The following KHDRBS2 variants were observed in gnomAD, a reference collection of about 807,000 sequenced individuals.
The protein encoded by KHDRBS2 is KH domain-containing, RNA-binding, signal transduction-associated protein 2.
A neutral mutation model predicts 44.3 loss-of-function variants in KHDRBS2; 26 were observed. The ratio of observed to expected loss-of-function variants is 0.59; its 90% CI spans 0.43 to 0.81. The LOEUF (loss-of-function observed/expected upper bound fraction) is 0.81. Among genes scored for constraint, KHDRBS2 ranks in the 40% least tolerant of loss-of-function variants. The probability of loss-of-function intolerance (pLI) is 0.00; values close to 1 mark genes in which losing one functional copy is unlikely to be tolerated. For synonymous variants in KHDRBS2, 194 were observed against 151.1 expected (o/e 1.28, Z -2.08); for missense variants, 476 against 433.1 (o/e 1.10, Z -0.88).
chr6:62,169,167 A>ACG (rs1562991873), intron 2 of KHDRBS2, among the ~76,000 whole-genome samples: 4 of 84,706 alleles, frequency 4.7e-5, no homozygotes, highest in South Asian at 3.3e-4. Flanking sequence ...ACGTACACAT[A>ACG]TATGTATATA....
rs542254921 is a variant in KHDRBS2, at chr6:61,712,949, T to C, written c.894-15696A>G. On this transcript the variant is annotated intron_variant, in intron 7 of 8. Coordinates refer to ENST00000281156, the MANE Select transcript of KHDRBS2 (RefSeq NM_152688.4). The stretch of plus-strand genomic sequence containing the variant: ...CAAAAGCTATAAAACCAAAAGTTTC[T>C]TCTTAAATAGGGTGTCTGAAAGAAT... Among the ~76,000 whole-genome samples the C allele has an allele frequency of 1.3e-4, 19 of 151,848 alleles. No individual in the cohort carries two copies. The East Asian group carries it at 3.7e-3, about 30-fold the overall frequency.
intron 6 of KHDRBS2, among the ~76,000 whole-genome samples, chr6:61,808,434 A>G (rs534849993): frequency 6.6e-6 from 1 of 152,242 alleles, no homozygotes; most frequent in Admixed American, 6.5e-5. Context: ...TAGTTCCATT[A>G]AATACATTTA....
chr6:62,051,566 G>C (rs550513615), intron 2 of KHDRBS2, among the ~76,000 whole-genome samples: 1 of 151,750 alleles, frequency 6.6e-6, no homozygotes, highest in Non-Finnish European at 1.5e-5. Flanking sequence ...ACCTCTGAAG[G>C]CTGGCCTTGG....
At chr6:62,035,978 C>G (rs1189832673) in intron 3 of KHDRBS2, among the ~76,000 whole-genome samples, 2 of 151,946 alleles carry the variant, frequency 1.3e-5, no homozygotes, top group African/African-American at 4.8e-5. Context: ...TTCTAACCTA[C>G]AAAACTATAC....
At chr6:61,724,623 C>A (rs1159439221) in intron 7 of KHDRBS2, among the ~76,000 whole-genome samples, 1 of 152,030 alleles carries the variant, frequency 6.6e-6, no homozygotes, top group Non-Finnish European at 1.5e-5. Flanking sequence ...GAGAATTTAC[C>A]AAGCAAACGG....
the KHDRBS2 span, among the ~76,000 whole-genome samples, chr6:61,654,398 A>G: frequency 2.0e-5 from 3 of 151,888 alleles, no homozygotes; most frequent in African/African-American, 7.2e-5. Flanking sequence ...TGTAAAGGGA[A>G]CAATGATTGC....
the KHDRBS2 span, among the ~76,000 whole-genome samples, chr6:61,608,270 A>G: frequency 6.6e-6 from 1 of 151,656 alleles, no homozygotes; most frequent in Non-Finnish European, 1.5e-5. Context: ...ATACTCACAT[A>G]CACACATACT....
At chr6:61,733,502 G>A (rs903175979) in intron 6 of KHDRBS2, among the ~76,000 whole-genome samples, 4 of 151,904 alleles carry the variant, frequency 2.6e-5, no homozygotes, top group Non-Finnish European at 4.4e-5. Context: ...GGCTGAGGCA[G>A]GGGGAATCAC....
At chr6:61,754,750 A>G (rs1778240222) in intron 6 of KHDRBS2, among the ~76,000 whole-genome samples, 1 of 152,142 alleles carries the variant, frequency 6.6e-6, no homozygotes, top group Non-Finnish European at 1.5e-5. Flanking sequence ...AAAAAATGAA[A>G]AAAAGATAGG....
chr6:61,686,149 A>T (rs917005262), intron 8 of KHDRBS2, among the ~76,000 whole-genome samples: 6 of 151,778 alleles, frequency 4.0e-5, no homozygotes, highest in African/African-American at 1.4e-4. Flanking sequence ...TATCTGAAAT[A>T]TGGAAAAGAA....
chr6:61,773,804 T>C, intron 6 of KHDRBS2, among the ~76,000 whole-genome samples: 1 of 150,322 alleles, frequency 6.7e-6, no homozygotes, highest in African/African-American at 2.5e-5. Flanking sequence ...TTAAACCATC[T>C]TGAATTAATT....
the KHDRBS2 span, among the ~76,000 whole-genome samples, chr6:61,582,027 T>A: frequency 6.6e-6 from 1 of 151,760 alleles, no homozygotes; most frequent in Non-Finnish European, 1.5e-5. Flanking sequence ...AATCTTAGTT[T>A]TCAAAAAAGA....
chr6:62,239,826 C>CA (rs1339399792), intron 1 of KHDRBS2, among the ~76,000 whole-genome samples: 4 of 151,906 alleles, frequency 2.6e-5, no homozygotes, highest in African/African-American at 9.7e-5. Context: ...GCTGGGATTA[C>CA]AGGTGCCCAC....
intron 8 of KHDRBS2, among the ~76,000 whole-genome samples, chr6:61,690,936 G>A (rs1334450277): frequency 6.6e-6 from 1 of 152,042 alleles, no homozygotes; most frequent in African/African-American, 2.4e-5. Context: ...TCCTTTGAAT[G>A]TGCCCCCATG....
chr6:61,543,708 A>G, the KHDRBS2 span, among the ~76,000 whole-genome samples: 1 of 152,108 alleles, frequency 6.6e-6, no homozygotes, highest in East Asian at 1.9e-4. Context: ...CTAATTGTCC[A>G]TCAGCAGATG....
the KHDRBS2 span, among the ~76,000 whole-genome samples, chr6:61,554,916 C>T: frequency 2.6e-5 from 4 of 152,110 alleles, no homozygotes; most frequent in East Asian, 1.9e-4. Flanking sequence ...GGTGACCTGC[C>T]CCTTCTCTCT....
Position 62,150,004 on chromosome 6 carries a change from T to C in KHDRBS2, c.219+27181A>G, listed in dbSNP as rs1273975943. ...TATTAAAACAATGAAATGAGATAAA[T>C]GTAAAACACACAGCTCTGTGGCTGG... On this transcript the variant is annotated intron_variant, in intron 2 of 8. Coordinates refer to ENST00000281156, the MANE Select transcript of KHDRBS2 (RefSeq NM_152688.4). 2.0e-5 allele frequency among the ~76,000 whole-genome samples: 3 copies of C among 152,312 alleles called. No homozygotes were observed. In the South Asian group the frequency reaches 6.2e-4, roughly 32 times the overall value.
Position 61,764,796 on chromosome 6 carries a change from T to C in KHDRBS2, c.811-32032A>G, listed in dbSNP as rs187857624. Among the ~76,000 whole-genome samples the C allele has an allele frequency of 1.7e-3, 266 of 152,308 alleles. 2 individuals are homozygous for C. Among genetic ancestry groups the C allele is most frequent in the Non-Finnish European group, 1.9e-3 (131 of 68,036 alleles). On this transcript the variant is annotated intron_variant, in intron 6 of 8. Transcript: ENST00000281156. ...GGATATTAGACCTTTGACAGATAGA[T>C]AGATTGCAAAACTGTTCTTCCTTTC... is the stretch of plus-strand genomic sequence containing the variant.
At chr6:61,790,127 A>T (rs1435305822) in intron 6 of KHDRBS2, among the ~76,000 whole-genome samples, 1 of 151,436 alleles carries the variant, frequency 6.6e-6, no homozygotes, top group Admixed American at 6.6e-5. Context: ...GACCAAAATG[A>T]AAAACGTGTT....
Sources: allele counts gnomAD v4.1 joint callset (sites outside exome capture counted in the v4.1 genomes callset), GRCh38; gene constraint gnomAD v4.1.1; transcripts MANE v1.5; gene names NCBI Gene and HGNC (gene_info 2026-07-23, HGNC 2026-07-21).